NTM: variants seen among roughly 807,000 people sequenced by gnomAD.
NTM encodes the protein neurotrimin.
NTM carries 13 observed loss-of-function variants against 42.1 expected under a neutral mutation model. That is an observed-to-expected ratio of 0.31 (90% CI 0.20 to 0.49). The LOEUF (loss-of-function observed/expected upper bound fraction) is 0.49, where lower values mean the gene tolerates loss of function less well. NTM is among the 20% of genes least tolerant of loss of function. NTM has a pLI of 0.99. For missense variants in NTM, 373 were observed against 452.8 expected, an observed-to-expected ratio of 0.82 and a Z score of 1.60; for synonymous variants, 187 against 179.2, an observed-to-expected ratio of 1.04 and a Z score of -0.35.
At chr11:132,169,384 G>A (rs1484203491) in intron 3 of NTM, among the ~76,000 whole-genome samples, 1 of 119,428 alleles carries the variant, frequency 8.4e-6, no homozygotes, top group Non-Finnish European at 1.6e-5. Flanking sequence ...CACCCAGGCT[G>A]GAGTGCAGTG....
At position 131,661,846 on chromosome 11, in the gene NTM, C is replaced by T. The variant is rs140750713; in HGVS notation, c.83-249718C>T. Among the ~76,000 whole-genome samples the T allele has an allele frequency of 9.9e-5, 15 of 151,958 alleles. No individual in the cohort carries two copies. The East Asian group carries it at 1.9e-3, about 20-fold the overall frequency. ...CCACACGTATTTGTTATTTTCTTTGCGAGAGAGAGAAACGTAAAACATTCT... is the reference window on the plus strand; with the variant it reads ...CCACACGTATTTGTTATTTTCTTTGTGAGAGAGAGAAACGTAAAACATTCT... On this transcript the variant is annotated intron_variant, in intron 1 of 8. Transcript: ENST00000683400.
intron 1 of NTM, among the ~76,000 whole-genome samples, chr11:131,737,647 C>T (rs985879907): frequency 1.1e-4 from 16 of 152,120 alleles, no homozygotes; most frequent in East Asian, 3.9e-4. Context: ...CTCTCTGCTC[C>T]GTCTCCCTTC....
intron 2 of NTM, among the ~76,000 whole-genome samples, chr11:131,982,743 C>G (rs536142141): frequency 1.3e-5 from 2 of 152,194 alleles, no homozygotes; most frequent in Non-Finnish European, 2.9e-5. Flanking sequence ...GGCTGTGGTG[C>G]CCACTGGCTT....
rs547351481 is a variant in NTM, at chr11:132,314,016, G to GA, written c.783-536_783-535insA. 1.8e-3 allele frequency among the ~76,000 whole-genome samples: 278 copies of GA among 152,244 alleles called. 1 individual carries two copies. Among genetic ancestry groups the GA allele is most frequent in the African/African-American group, 6.4e-3 (267 of 41,540 alleles). ...AATGATGATTTTTCTCCTCTTCATA[G>GA]CCAAAAAATTAAGTATTATCTATAC... On this transcript the variant is annotated intron_variant, in intron 6 of 8. Coordinates refer to ENST00000683400, the MANE Select transcript of NTM (RefSeq NM_001352005.2).
At chr11:131,821,765 T>C (rs796226515) in intron 1 of NTM, among the ~76,000 whole-genome samples, 4 of 152,274 alleles carry the variant, frequency 2.6e-5, no homozygotes, top group African/African-American at 7.2e-5. Flanking sequence ...CTCTCTTTGT[T>C]TGGATTCCAA....
chr11:131,853,567 A>G (rs1344491613), intron 1 of NTM, among the ~76,000 whole-genome samples: 2 of 152,214 alleles, frequency 1.3e-5, no homozygotes, highest in East Asian at 1.9e-4. Flanking sequence ...TGCAAAAGAC[A>G]TGATCTCATT....
intron 1 of NTM, chr11:131,455,451 G>A (rs1430372743): frequency 6.6e-6 from 1 of 152,212 alleles, no homozygotes; most frequent in Non-Finnish European, 1.5e-5. Context: ...CAAAGGAGTA[G>A]AACGATGAAT....
intron 1 of NTM, among the ~76,000 whole-genome samples, chr11:131,808,232 C>T (rs762825607): frequency 1.3e-5 from 2 of 152,172 alleles, no homozygotes; most frequent in Non-Finnish European, 2.9e-5. Flanking sequence ...AGGCAGTAGG[C>T]AGCTGATAAA....
intron 1 of NTM, among the ~76,000 whole-genome samples, chr11:131,482,600 C>T (rs1387248464): frequency 2.0e-5 from 3 of 152,206 alleles, no homozygotes; most frequent in Non-Finnish European, 2.9e-5. Context: ...TCTTCACAGG[C>T]TTGCACGCTG....
chr11:131,769,521 T>A (rs1311309609), intron 1 of NTM: 1 of 595,806 alleles, frequency 1.7e-6, no homozygotes, highest in African/African-American at 2.0e-5. Context: ...TATAAAGAAG[T>A]TATTGTTTCG....
rs183204092 is a variant in NTM, at chr11:131,388,783, G to A, written c.82+17895G>A. ...TCCCAGCACTTCGGGAGGTCGAGGC[G>A]GGCGAATCACTTGAGGTCAGGAGTT... On this transcript the variant is annotated intron_variant, in intron 1 of 8. Transcript: ENST00000683400. Among the ~76,000 whole-genome samples, 321 of 151,588 alleles carry A rather than the reference G, an allele frequency of 2.1e-3. 3 individuals are homozygous for A. Among genetic ancestry groups the A allele is most frequent in the African/African-American group, 7.1e-3 (294 of 41,338 alleles).
intron 2 of NTM, among the ~76,000 whole-genome samples, chr11:132,018,588 G>A (rs917920685): frequency 6.6e-6 from 1 of 151,882 alleles, no homozygotes; most frequent in Non-Finnish European, 1.5e-5. Flanking sequence ...ACTTAGCATG[G>A]GTGTATGATC....
At chr11:132,197,729 A>C (rs2080495232) in intron 3 of NTM, among the ~76,000 whole-genome samples, 1 of 140,402 alleles carries the variant, frequency 7.1e-6, no homozygotes, top group Non-Finnish European at 1.5e-5. Flanking sequence ...ATTCCCACCT[A>C]CGAGTGAGAA....
intron 3 of NTM, among the ~76,000 whole-genome samples, chr11:132,182,110 C>A (rs2138065839): frequency 6.6e-6 from 1 of 152,100 alleles, no homozygotes; most frequent in South Asian, 2.1e-4. Flanking sequence ...TTAACTAATG[C>A]CACCAACATA....
chr11:131,382,664 C>A (rs77278269), intron 1 of NTM, among the ~76,000 whole-genome samples: 3,316 of 152,152 alleles, frequency 0.022, 112 homozygotes, highest in African/African-American at 0.076. Context: ...TATCATAGAC[C>A]CTACTTATCT....
At chr11:131,752,841 A>T (rs1016455628) in intron 1 of NTM, among the ~76,000 whole-genome samples, 1 of 152,222 alleles carries the variant, frequency 6.6e-6, no homozygotes, top group Non-Finnish European at 1.5e-5. Flanking sequence ...CAAGGACTTC[A>T]TGTCTAAAAC....
At chr11:132,290,158 G>A (rs1323189779) in intron 4 of NTM, among the ~76,000 whole-genome samples, 1 of 152,182 alleles carries the variant, frequency 6.6e-6, no homozygotes, top group Admixed American at 6.5e-5. Flanking sequence ...TAATGAATGG[G>A]AGAGAAAGGA....
In NTM at chr11:131,830,483, G is replaced by A. The variant is rs992336692; in HGVS notation, c.83-81081G>A. On this transcript the variant is annotated intron_variant, in intron 1 of 8. Coordinates refer to ENST00000683400, the MANE Select transcript of NTM (RefSeq NM_001352005.2). ...TCAAAGATCAGATGGCTGTAGGTGT[G>A]TGGCTTTATTTCTGCATTCTCTATT... 2.0e-5 allele frequency among the ~76,000 whole-genome samples: 3 copies of A among 152,264 alleles called. No homozygotes were observed. In the East Asian group the frequency reaches 5.8e-4, roughly 29 times the overall value.
intron 1 of NTM, among the ~76,000 whole-genome samples, chr11:131,865,591 T>C (rs550322818): frequency 2.0e-5 from 3 of 152,286 alleles, no homozygotes; most frequent in African/African-American, 7.2e-5. Context: ...TAGCCTGGCC[T>C]AGTGGGGCAG....
Sources: gnomAD v4.1 joint callset for allele counts (sites outside exome capture counted in the v4.1 genomes callset) on GRCh38, gnomAD v4.1.1 for gene constraint, MANE v1.5 for transcripts, NCBI Gene and HGNC (gene_info 2026-07-23, HGNC 2026-07-21) for gene names.